Variants in SNTB2 observed in about 807,000 individuals in gnomAD.
The protein encoded by SNTB2 is beta-2-syntrophin.
In SNTB2, 34 loss-of-function variants were observed where a neutral mutation model predicts 46.2. That is an observed-to-expected ratio of 0.74 (90% CI 0.56 to 0.98). The LOEUF is 0.98. Among genes scored for constraint, SNTB2 ranks in the 50% least tolerant of loss-of-function variants. The probability of loss-of-function intolerance (pLI) is 0.00; values close to 1 mark genes in which losing one functional copy is unlikely to be tolerated. For missense variants in SNTB2, 603 were observed against 731.4 expected, an observed-to-expected ratio of 0.82 and a Z score of 2.02; for synonymous variants, 290 against 312.6, an observed-to-expected ratio of 0.93 and a Z score of 0.76.
intron 1 of SNTB2, among the ~76,000 whole-genome samples, chr16:69,205,825 T>TA (rs1964210843): frequency 6.6e-6 from 1 of 152,174 alleles, no homozygotes; most frequent in Non-Finnish European, 1.5e-5. Flanking sequence ...TTTCCTGAAA[T>TA]AAAACAGAAG....
At chr16:69,195,929 A>G (rs970532357) in intron 1 of SNTB2, among the ~76,000 whole-genome samples, 4 of 152,164 alleles carry the variant, frequency 2.6e-5, no homozygotes, top group African/African-American at 9.7e-5. Context: ...TATGTACACT[A>G]TAACAGGCTA....
intron 1 of SNTB2, among the ~76,000 whole-genome samples, chr16:69,225,371 C>G (rs1447402469): frequency 1.3e-5 from 2 of 152,240 alleles, no homozygotes; most frequent in African/African-American, 4.8e-5. Context: ...TAGTCCAGAA[C>G]ATATCCACTT....
intron 5 of SNTB2, among the ~76,000 whole-genome samples, chr16:69,290,129 G>A (rs1441420099): frequency 6.6e-6 from 1 of 152,052 alleles, no homozygotes; most frequent in Non-Finnish European, 1.5e-5. Context: ...CCTTGATTAG[G>A]CTATAGTTAC....
chr16:69,287,292 G>A (rs1477471705), intron 5 of SNTB2, among the ~76,000 whole-genome samples: 1 of 152,014 alleles, frequency 6.6e-6, no homozygotes, highest in Non-Finnish European at 1.5e-5. Flanking sequence ...GGCTGGGGCC[G>A]GACGCGGTGG....
At chr16:69,263,489 G>T (rs141750217) in intron 3 of SNTB2, among the ~76,000 whole-genome samples, 37 of 151,620 alleles carry the variant, frequency 2.4e-4, no homozygotes, top group African/African-American at 9.0e-4. Flanking sequence ...TACAATCTTG[G>T]CTCACTACTA....
At chr16:69,251,326 G>A (rs908427265) in intron 2 of SNTB2, among the ~76,000 whole-genome samples, 1 of 151,346 alleles carries the variant, frequency 6.6e-6, no homozygotes, top group Non-Finnish European at 1.5e-5. Context: ...TTCCAGTGTG[G>A]AGTTAGTATT....
chr16:69,278,889 A>AGTGTGTGTGTGTGT (rs71148981), intron 4 of SNTB2, among the ~76,000 whole-genome samples: 40 of 141,004 alleles, frequency 2.8e-4, no homozygotes, highest in African/African-American at 8.7e-4. Context: ...AGGTGGGAAG[A>AGTGTGTGTGTGTGT]GTGTGTGTGT....
At chr16:69,198,148 T>C (rs1294421249) in intron 1 of SNTB2, among the ~76,000 whole-genome samples, 1 of 149,624 alleles carries the variant, frequency 6.7e-6, no homozygotes, top group Non-Finnish European at 1.5e-5. Flanking sequence ...CCTCGCTCTG[T>C]CGCCTAGGCT....
At chr16:69,225,495 CATT>C (rs1362718338) in intron 1 of SNTB2, among the ~76,000 whole-genome samples, 3 of 152,168 alleles carry the variant, frequency 2.0e-5, no homozygotes, top group Admixed American at 2.0e-4. Flanking sequence ...AGTGGAAAAA[CATT>C]AGTAAGTATT....
chr16:69,269,386 G>A (rs967937967), intron 3 of SNTB2, among the ~76,000 whole-genome samples: 4 of 142,578 alleles, frequency 2.8e-5, no homozygotes. Flanking sequence ...GCGTGGTGGC[G>A]TACACCTGTA....
chr16:69,203,713 C>G (rs1463511204), intron 1 of SNTB2, among the ~76,000 whole-genome samples: 1 of 152,038 alleles, frequency 6.6e-6, no homozygotes, highest in Non-Finnish European at 1.5e-5. Flanking sequence ...TCCATAAACC[C>G]TCCCTTTCCC....
At chr16:69,188,360 G>A (rs1019445893) in intron 1 of SNTB2, among the ~76,000 whole-genome samples, 1 of 152,172 alleles carries the variant, frequency 6.6e-6, no homozygotes, top group African/African-American at 2.4e-5. Flanking sequence ...AACATTTACT[G>A]CCAACTAGAG....
chr16:69,188,245 A>G (rs1206450619), intron 1 of SNTB2, among the ~76,000 whole-genome samples: 3 of 152,200 alleles, frequency 2.0e-5, no homozygotes, highest in African/African-American at 7.2e-5. Context: ...TTGGCTCTCA[A>G]CAATAACCAA....
At chr16:69,236,526 TAGAGTTTC>T (rs1432726161) in intron 1 of SNTB2, among the ~76,000 whole-genome samples, 1 of 152,122 alleles carries the variant, frequency 6.6e-6, no homozygotes, top group Non-Finnish European at 1.5e-5. Flanking sequence ...TTAGTGGGTA[TAGAGTTTC>T]AGTTTGGGAA....
intron 1 of SNTB2, among the ~76,000 whole-genome samples, chr16:69,218,522 C>T (rs1004643693): frequency 3.3e-5 from 5 of 151,574 alleles, no homozygotes; most frequent in Admixed American, 1.3e-4. Flanking sequence ...CCCAGGTTCA[C>T]GCCATTCTCC....
At chr16:69,261,817 C>T (rs750487754) in intron 3 of SNTB2, among the ~76,000 whole-genome samples, 1 of 152,192 alleles carries the variant, frequency 6.6e-6, no homozygotes, top group African/African-American at 2.4e-5. Flanking sequence ...TGCCCTCATT[C>T]CCGTTACCTA....
chr16:69,237,603 C>CTTTCTTT (rs764253701), intron 1 of SNTB2, among the ~76,000 whole-genome samples: 1 of 118,738 alleles, frequency 8.4e-6, no homozygotes, highest in Non-Finnish European at 1.7e-5. Flanking sequence ...TTCTTTCTTT[C>CTTTCTTT]TTTTTTTTTT....
chr16:69,279,511 T>C (rs909306011), intron 4 of SNTB2, among the ~76,000 whole-genome samples: 6 of 145,914 alleles, frequency 4.1e-5, no homozygotes, highest in Non-Finnish European at 7.5e-5. Flanking sequence ...GTGGGTCCTT[T>C]GCCCTTTTTT....
At chr16:69,210,268 C>A (rs1031611911) in intron 1 of SNTB2, among the ~76,000 whole-genome samples, 1 of 148,816 alleles carries the variant, frequency 6.7e-6, no homozygotes, top group Admixed American at 6.7e-5. Flanking sequence ...GATGGAATAT[C>A]GTTCTGTTGC....
Sources: gnomAD v4.1 joint callset for allele counts (sites outside exome capture counted in the v4.1 genomes callset) on GRCh38, gnomAD v4.1.1 for gene constraint, MANE v1.5 for transcripts, NCBI Gene and HGNC (gene_info 2026-07-23, HGNC 2026-07-21) for gene names.